The following TMEM225B variants were observed in gnomAD, a reference collection of about 807,000 sequenced individuals.
TMEM225B encodes the protein transmembrane protein 225-like.
Under a neutral mutation model 16.9 loss-of-function variants are expected in TMEM225B, and 10 were observed. The ratio of observed to expected loss-of-function variants is 0.59; its 90% CI spans 0.36 to 1.00. The LOEUF is 1.00. TMEM225B is among the 50% of genes least tolerant of loss of function. TMEM225B has a pLI of 0.01. For missense variants in TMEM225B, 217 were observed against 267.0 expected (o/e 0.81, Z 1.30); for synonymous variants, 92 against 109.8 (o/e 0.84, Z 1.01).
chr7:99,610,674 C>T lies in TMEM225B; in HGVS notation c.*109C>T. 1.1e-6 allele frequency: 1 copy of T among 890,180 alleles called. No individual in the cohort carries two copies. The highest frequency in any genetic ancestry group is 1.7e-6 in the Non-Finnish European group (1 of 596,776). 55.1% of individuals were successfully genotyped at this position (890,180 alleles called of 1,614,324 possible). On this transcript the variant is annotated 3_prime_UTR_variant, in exon 6 of 6. Transcript: ENST00000431679. ...CAGTATCTGTGCCTTTGAGGAGCTT[C>T]TTGCGTGTCAGATCAACTCTCCACC...
chr7:99,610,456 G>A lies in TMEM225B; in HGVS notation c.557G>A (p.Ser186Asn), dbSNP rs1200607561. Residue 186 changes from serine to asparagine, a missense_variant, in exon 6 of 6, where the codon AGT (serine) becomes AAT (asparagine). Physicochemically the swap from Ser to Asn is conservative, Grantham distance 46. Coordinates refer to ENST00000431679, the MANE Select transcript of TMEM225B (RefSeq NM_001195541.3). Reference protein sequence around the residue: ...PCWHLLSTSQSMEEDHGSLYL... With the variant: ...PCWHLLSTSQNMEEDHGSLYL... ...TGGCACTTGTTGTCCACTTCCCAGAGTATGGAGGAGGACCACGGGAGCCTG... is the reference window on the plus strand; with the variant it reads ...TGGCACTTGTTGTCCACTTCCCAGAATATGGAGGAGGACCACGGGAGCCTG... The A allele has an allele frequency of 2.6e-6, 4 of 1,535,990 alleles. No homozygotes were observed. The highest frequency in any genetic ancestry group is 1.2e-5 in the South Asian group (1 of 84,064).
At chr7:99,606,925 C>T (rs1200425545) in intron 4 of TMEM225B, 31 bp downstream of exon 4, 4 of 1,535,210 alleles carry the variant, frequency 2.6e-6, no homozygotes, top group Admixed American at 2.0e-5. Flanking sequence ...CCCTGACCTT[C>T]GCTAGGGCCT....
intron 1 of TMEM225B, 56 bp from the exon 2 acceptor site, chr7:99,600,149 G>A (rs1329713967): frequency 7.1e-6 from 5 of 701,570 alleles, no homozygotes; most frequent in Admixed American, 4.0e-5. Flanking sequence ...GTAACCCCGG[G>A]CTGTGAAGAC....
intron 2 of TMEM225B, among the ~76,000 whole-genome samples, chr7:99,602,601 T>G (rs73148836): frequency 1.3e-5 from 2 of 152,284 alleles, no homozygotes; most frequent in Non-Finnish European, 2.9e-5. Flanking sequence ...GTCCTGAGAC[T>G]CTGAGCAACT....
intron 2 of TMEM225B, among the ~76,000 whole-genome samples, chr7:99,602,439 AG>A (rs774462547): frequency 7.2e-5 from 11 of 152,218 alleles, no homozygotes; most frequent in Non-Finnish European, 1.3e-4. Flanking sequence ...CTGAGTGCTC[AG>A]CACTGTGTTG....
chr7:99,607,901 A>G, intron 5 of TMEM225B, 91 bp downstream of exon 5: 2 of 1,380,360 alleles, frequency 1.4e-6, no homozygotes, highest in Non-Finnish European at 1.9e-6. Flanking sequence ...GATTCTCTAG[A>G]ATTGCACTGT....
chr7:99,608,041 G>T (rs1389754339), intron 5 of TMEM225B, among the ~76,000 whole-genome samples: 1 of 152,188 alleles, frequency 6.6e-6, no homozygotes, highest in Non-Finnish European at 1.5e-5. Context: ...GATCACTTGA[G>T]GCCAGGAGTT....
intron 3 of TMEM225B, among the ~76,000 whole-genome samples, chr7:99,606,128 C>T (rs1430338057): frequency 6.6e-6 from 1 of 152,170 alleles, no homozygotes; most frequent in Admixed American, 6.5e-5. Context: ...CAACCAAATT[C>T]CCATAATAAC....
At chr7:99,604,910 T>C (rs1243512964) in intron 3 of TMEM225B, among the ~76,000 whole-genome samples, 5 of 152,088 alleles carry the variant, frequency 3.3e-5, no homozygotes, top group Non-Finnish European at 2.9e-5. Context: ...GGAGGGCTCC[T>C]GCTTGAGCCC....
At chr7:99,600,996 G>T (rs73405284) in intron 2 of TMEM225B, among the ~76,000 whole-genome samples, 4,872 of 151,852 alleles carry the variant, frequency 0.032, 264 homozygotes, top group African/African-American at 0.11. Flanking sequence ...GTGAAGGAGA[G>T]AAAAAAAGGT....
In TMEM225B at chr7:99,604,615, G is replaced by C; in HGVS notation, c.208+19G>C. 1 of 1,526,368 alleles carries C rather than the reference G, an allele frequency of 6.6e-7. No homozygotes were observed. Among genetic ancestry groups the C allele is most frequent in the East Asian group, 2.4e-5 (1 of 40,870 alleles). 94.6% of individuals were successfully genotyped at this position (1,526,368 alleles called of 1,614,324 possible). A position where few individuals can be genotyped will look rare whatever the true frequency, so the allele number is the denominator to read the frequency against. On this transcript the variant is annotated intron_variant, in intron 3 of 5. Coordinates refer to ENST00000431679, the MANE Select transcript of TMEM225B (RefSeq NM_001195541.3). ...TTATCCAGTAAGGAGGGATGGAGGC[G>C]GGGAGGAGAGAGAGGGAGATGGGGC...
chr7:99,604,354 C>A, intron 2 of TMEM225B, 32 bp from the exon 3 acceptor site: 1 of 1,493,472 alleles, frequency 6.7e-7, no homozygotes, highest in Non-Finnish European at 9.0e-7. Context: ...GGGTCGGTGT[C>A]CCACCTCCAC....
rs1326856025 is a variant in TMEM225B, at chr7:99,610,580, T to G, written c.*15T>G. On this transcript the variant is annotated 3_prime_UTR_variant, in exon 6 of 6. Coordinates refer to ENST00000431679, the MANE Select transcript of TMEM225B (RefSeq NM_001195541.3). ...CAGTCATCTAGCCCAGGACATGGCT[T>G]CTTTACCCTTCTTCAAGCCATGTGA... 1 of 1,535,402 alleles carries G rather than the reference T, an allele frequency of 6.5e-7. No individual in the cohort carries two copies. The highest frequency in any genetic ancestry group is 8.7e-7 in the Non-Finnish European group (1 of 1,146,372).
chr7:99,607,808 C>T lies in TMEM225B; in HGVS notation c.491C>T (p.Ala164Val). Reference sequence around the variant, plus strand: ...TTCGGCATCTTTCTGTTCATAGTGGCTGGTGAGTGTCCAGGGAACAGTGCC... The same window carrying T: ...TTCGGCATCTTTCTGTTCATAGTGGTTGGTGAGTGTCCAGGGAACAGTGCC... ...LGFGIFLFIVAGTICLIQEMV... is the reference protein window; with the variant it reads ...LGFGIFLFIVVGTICLIQEMV... The change falls in exon 5 of 6, where the codon GCT becomes GTT. Residue 164 changes from alanine (A) to valine (V), a missense_variant and splice_region_variant. Physicochemically the swap from Ala to Val is moderately conservative, Grantham distance 64. Transcript: ENST00000431679. 3.3e-6 allele frequency: 5 copies of T among 1,535,842 alleles called. No individual in the cohort carries two copies. The highest frequency in any genetic ancestry group is 4.4e-6 in the Non-Finnish European group (5 of 1,146,724).
chr7:99,607,619 G>A, intron 4 of TMEM225B, 54 bp from the exon 5 acceptor site: 1 of 1,492,194 alleles, frequency 6.7e-7, no homozygotes, highest in South Asian at 1.3e-5. Flanking sequence ...GAAGTTTGGA[G>A]GGAAGGCGGG....
intron 2 of TMEM225B, among the ~76,000 whole-genome samples, chr7:99,603,856 G>A (rs1241138835): frequency 6.6e-6 from 1 of 151,478 alleles, no homozygotes; most frequent in East Asian, 1.9e-4. Flanking sequence ...TGACCTTCCT[G>A]GGCTTAGGCG....
chr7:99,608,250 A>G (rs1562956036), intron 5 of TMEM225B, among the ~76,000 whole-genome samples: 1 of 152,226 alleles, frequency 6.6e-6, no homozygotes, highest in East Asian at 1.9e-4. Context: ...GCAAAACTCC[A>G]TCTCTAAAAT....
intron 3 of TMEM225B, among the ~76,000 whole-genome samples, chr7:99,605,883 C>A (rs1299768324): frequency 6.6e-6 from 1 of 152,204 alleles, no homozygotes; most frequent in Non-Finnish European, 1.5e-5. Flanking sequence ...CCATTGCACC[C>A]AGTCTCACTC....
chr7:99,610,149 T>TC (rs1004281013), intron 5 of TMEM225B, among the ~76,000 whole-genome samples: 1 of 152,216 alleles, frequency 6.6e-6, no homozygotes, highest in African/African-American at 2.4e-5. Context: ...GTTTTTTTTT[T>TC]CACCCATTAA....
Sources: gnomAD v4.1 joint callset for allele counts (sites outside exome capture counted in the v4.1 genomes callset) on GRCh38, gnomAD v4.1.1 for gene constraint, MANE v1.5 for transcripts, NCBI Gene and HGNC (gene_info 2026-07-23, HGNC 2026-07-21) for gene names.